Variants in OPA3 observed in about 807,000 individuals in gnomAD.
The protein encoded by OPA3 is optic atrophy 3 protein.
A neutral mutation model predicts 4.0 loss-of-function variants in OPA3; 6 were observed. The ratio of observed to expected loss-of-function variants is 1.51; its 90% CI spans 0.83 to 2.99. The LOEUF (loss-of-function observed/expected upper bound fraction) is 2.99. Among genes scored for constraint, OPA3 ranks in the 30% most tolerant of loss-of-function variants. OPA3 has a pLI of 0.00. For missense variants in OPA3, 235 were observed against 256.2 expected, an observed-to-expected ratio of 0.92 and a Z score of 0.56; for synonymous variants, 105 against 117.1, an observed-to-expected ratio of 0.90 and a Z score of 0.67.
At chr19:45,531,265 A>G (rs1969058707) in intron 1 of OPA3, among the ~76,000 whole-genome samples, 1 of 152,156 alleles carries the variant, frequency 6.6e-6, no homozygotes, top group Non-Finnish European at 1.5e-5. Flanking sequence ...GTGAAGCATT[A>G]TCATTAAATG....
At chr19:45,559,362 TTTCTC>T (rs961283661) in intron 1 of OPA3, among the ~76,000 whole-genome samples, 17 of 151,492 alleles carry the variant, frequency 1.1e-4, no homozygotes, top group African/African-American at 4.1e-4. Flanking sequence ...CTTTTCTTTC[TTTCTC>T]TTCTCTCTCT....
downstream of OPA3, among the ~76,000 whole-genome samples, chr19:45,542,640 T>A (rs1407412362): frequency 6.6e-6 from 1 of 151,320 alleles, no homozygotes; most frequent in Non-Finnish European, 1.5e-5. Flanking sequence ...CCTCATTATG[T>A]GGTACAGTAC....
chr19:45,555,397 G>A (rs971068536), intron 1 of OPA3, among the ~76,000 whole-genome samples: 2 of 152,042 alleles, frequency 1.3e-5, no homozygotes, highest in African/African-American at 4.8e-5. Context: ...GTGTAGTGGC[G>A]CAATCATGGC....
chr19:45,554,222 G>T (rs536022026), intron 1 of OPA3, among the ~76,000 whole-genome samples: 3 of 152,280 alleles, frequency 2.0e-5, no homozygotes, highest in African/African-American at 7.2e-5. Flanking sequence ...TGGCTGTCCT[G>T]CCCTGGCACT....
At chr19:45,544,364 A>G (rs1421179868), downstream of OPA3, among the ~76,000 whole-genome samples, 1 of 152,264 alleles carries the variant, frequency 6.6e-6, no homozygotes, top group East Asian at 1.9e-4. Flanking sequence ...TCAGCCATAA[A>G]AAGGGATGAT....
At chr19:45,582,229 T>C (rs1235287110) in intron 1 of OPA3, among the ~76,000 whole-genome samples, 1 of 151,874 alleles carries the variant, frequency 6.6e-6, no homozygotes, top group Non-Finnish European at 1.5e-5. Flanking sequence ...GACGCGATCT[T>C]GGCTCACTGC....
chr19:45,529,672 T>C (rs1375808682), intron 1 of OPA3, among the ~76,000 whole-genome samples: 2 of 152,218 alleles, frequency 1.3e-5, no homozygotes, highest in Non-Finnish European at 2.9e-5. Context: ...CATGTGAAGG[T>C]GGAGTGTCAG....
At chr19:45,574,479 C>G (rs1355918215) in intron 1 of OPA3, among the ~76,000 whole-genome samples, 1 of 152,098 alleles carries the variant, frequency 6.6e-6, no homozygotes, top group Non-Finnish European at 1.5e-5. Flanking sequence ...TGGGCATGTC[C>G]CGGGCCAGGG....
intron 1 of OPA3, among the ~76,000 whole-genome samples, chr19:45,531,911 A>T (rs2122374683): frequency 6.6e-6 from 1 of 152,288 alleles, no homozygotes; most frequent in East Asian, 1.9e-4. Flanking sequence ...TCAGTAAAGG[A>T]TTAACTTCAT....
At chr19:45,572,868 C>T (rs1031761519) in intron 1 of OPA3, among the ~76,000 whole-genome samples, 10 of 144,866 alleles carry the variant, frequency 6.9e-5, no homozygotes, top group African/African-American at 2.6e-4. Context: ...TTACTGTGAG[C>T]TTGTATGTGC....
chr19:45,577,839 C>T (rs1421035290), intron 1 of OPA3, among the ~76,000 whole-genome samples: 1 of 152,064 alleles, frequency 6.6e-6, no homozygotes, highest in African/African-American at 2.4e-5. Flanking sequence ...CTCCAGACAT[C>T]GGGACACACT....
chr19:45,566,348 C>T (rs1969581911), intron 1 of OPA3, among the ~76,000 whole-genome samples: 1 of 152,038 alleles, frequency 6.6e-6, no homozygotes, highest in African/African-American at 2.4e-5. Context: ...TAGGGCTCTG[C>T]CATGTTGGCC....
At position 45,561,897 on chromosome 19, in the gene OPA3, T is replaced by C. The variant is rs556419954; in HGVS notation, c.143-7986A>G. The stretch of plus-strand genomic sequence containing the variant: ...CAGAGGCTGCAGTGAGCCGAGACCA[T>C]GCCAGTCAGTGCACTCCAGCCTGGG... On this transcript the variant is annotated intron_variant, in intron 1 of 1. Coordinates refer to ENST00000263275, the MANE Select transcript of OPA3 (RefSeq NM_025136.4). Among the ~76,000 whole-genome samples, 42 of 151,122 alleles carry C rather than the reference T, an allele frequency of 2.8e-4. 1 individual carries two copies. The East Asian group carries it at 8.2e-3, about 30-fold the overall frequency.
intron 1 of OPA3, among the ~76,000 whole-genome samples, chr19:45,558,293 C>T (rs1969450801): frequency 6.6e-6 from 1 of 152,094 alleles, no homozygotes; most frequent in African/African-American, 2.4e-5. Flanking sequence ...GACCACGCCA[C>T]TGCACTCCAG....
At chr19:45,572,381 C>T (rs1205080894) in intron 1 of OPA3, among the ~76,000 whole-genome samples, 1 of 126,470 alleles carries the variant, frequency 7.9e-6, no homozygotes, top group African/African-American at 3.0e-5. Flanking sequence ...CGATATATAT[C>T]TCATATATAT....
intron 1 of OPA3, among the ~76,000 whole-genome samples, chr19:45,530,784 CAG>C (rs1491261453): frequency 6.6e-6 from 1 of 151,336 alleles, no homozygotes; most frequent in Non-Finnish European, 1.5e-5. Flanking sequence ...ATTTTCGAGA[CAG>C]AGTCTCGGTC....
chr19:45,584,768 G>T lies in OPA3; in HGVS notation c.-4C>A. 6.2e-7 allele frequency: 1 copy of T among 1,613,632 alleles called. No individual in the cohort carries two copies. The highest frequency in any genetic ancestry group is 1.1e-5 in the South Asian group (1 of 91,080). On this transcript the variant is annotated 5_prime_UTR_variant, in exon 1 of 2. Transcript: ENST00000263275. ...TAGGGAACGCGCCCACCACCATCTT[G>T]GCGGTCTCACAGGGCACGCGCAACC... is the stretch of plus-strand genomic sequence containing the variant.
chr19:45,563,452 C>A (rs1217397617), intron 1 of OPA3, among the ~76,000 whole-genome samples: 1 of 151,394 alleles, frequency 6.6e-6, no homozygotes, highest in Admixed American at 6.6e-5. Context: ...GTCACTGTGC[C>A]CAGCCTATGA....
In OPA3 at chr19:45,580,204, T is replaced by C. The variant is rs140201243; in HGVS notation, c.142+4419A>G. ...TAGAGAAGGGGTTTCACCATGTTGG[T>C]CAGGCAGGTCTTGAAATTTGACTTC... is the stretch of plus-strand genomic sequence containing the variant. On this transcript the variant is annotated intron_variant, in intron 1 of 1. Transcript: ENST00000263275. Among the ~76,000 whole-genome samples the C allele has an allele frequency of 2.7e-3, 412 of 150,566 alleles. 6 individuals carry two copies. The highest frequency in any genetic ancestry group is 9.3e-3 in the African/African-American group (379 of 40,894).
Sources: gnomAD v4.1 joint callset for allele counts (sites outside exome capture counted in the v4.1 genomes callset) on GRCh38, gnomAD v4.1.1 for gene constraint, MANE v1.5 for transcripts, NCBI Gene and HGNC (gene_info 2026-07-23, HGNC 2026-07-21) for gene names.